NXPE2: variants seen among roughly 807,000 people sequenced by gnomAD.
NXPE2 encodes the protein NXPE family member 2.
NXPE2 carries 34 observed loss-of-function variants against 34.4 expected under a neutral mutation model. The ratio of observed to expected loss-of-function variants is 0.99; its 90% CI spans 0.75 to 1.31. NXPE2 has a LOEUF of 1.31. Among genes scored for constraint, NXPE2 ranks in the 40% most tolerant of loss-of-function variants. The pLI, the probability that NXPE2 is intolerant of heterozygous loss-of-function variation, is 0.00. For synonymous variants in NXPE2, 235 were observed against 231.3 expected, an observed-to-expected ratio of 1.02 and a Z score of -0.15; for missense variants, 649 against 672.5, an observed-to-expected ratio of 0.97 and a Z score of 0.39.
the NXPE2 span, among the ~76,000 whole-genome samples, chr11:114,577,009 TTATA>T: frequency 0.64 from 73,545 of 115,670 alleles, 22,782 homozygotes; most frequent in East Asian, 0.76. Context: ...ATATATAAAG[TTATA>T]TATATATATA....
the NXPE2 span, chr11:114,580,156 C>T: frequency 2.2e-5 from 36 of 1,613,908 alleles, no homozygotes; most frequent in Non-Finnish European, 3.1e-5. Flanking sequence ...TTGAAGTATT[C>T]CATCCACTGG....
chr11:114,643,889 T>G, the NXPE2 span, among the ~76,000 whole-genome samples: 1 of 152,142 alleles, frequency 6.6e-6, no homozygotes, highest in South Asian at 2.1e-4. Context: ...TTCTTCCTAT[T>G]CATGAGCATG....
the NXPE2 span, chr11:114,582,176 C>T: frequency 9.8e-6 from 11 of 1,125,352 alleles, no homozygotes; most frequent in South Asian, 1.7e-4. Flanking sequence ...TCCCCAAAGG[C>T]TCTTACTAAA....
chr11:114,672,494 T>C, the NXPE2 span, among the ~76,000 whole-genome samples: 1 of 151,988 alleles, frequency 6.6e-6, no homozygotes, highest in Non-Finnish European at 1.5e-5. Flanking sequence ...ATGTGAATAA[T>C]GGATTAAACA....
chr11:114,803,584 C>CTCTCTT, the NXPE2 span, among the ~76,000 whole-genome samples: 1,080 of 144,562 alleles, frequency 7.5e-3, 12 homozygotes, highest in Admixed American at 0.02. Context: ...CTCTCTCTCT[C>CTCTCTT]TTTTTTTTTT....
chr11:114,768,044 C>A, the NXPE2 span, among the ~76,000 whole-genome samples: 2 of 152,016 alleles, frequency 1.3e-5, no homozygotes, highest in East Asian at 3.9e-4. Context: ...AGCAAAGAAC[C>A]TGGAACATTT....
At chr11:114,640,221 TTA>T in the NXPE2 span, among the ~76,000 whole-genome samples, 4 of 139,344 alleles carry the variant, frequency 2.9e-5, no homozygotes, top group African/African-American at 7.9e-5. Flanking sequence ...AAAATGTAAT[TTA>T]TATATATAAA....
At chr11:114,605,862 G>C in the NXPE2 span, among the ~76,000 whole-genome samples, 1 of 151,490 alleles carries the variant, frequency 6.6e-6, no homozygotes, top group East Asian at 2.0e-4. Context: ...CTGTTACCTG[G>C]TGGATAATAA....
At chr11:114,601,895 AT>A in the NXPE2 span, among the ~76,000 whole-genome samples, 8 of 42,546 alleles carry the variant, frequency 1.9e-4, no homozygotes, top group Non-Finnish European at 3.4e-4. Context: ...TATATATTAT[AT>A]TTATATATAT....
At chr11:114,472,861 G>C in the NXPE2 span, among the ~76,000 whole-genome samples, 8 of 152,088 alleles carry the variant, frequency 5.3e-5, no homozygotes, top group Admixed American at 6.5e-5. Context: ...TATCATAACC[G>C]GCTTTCCTTG....
At chr11:114,811,674 G>C in the NXPE2 span, among the ~76,000 whole-genome samples, 4,276 of 152,276 alleles carry the variant, frequency 0.028, 207 homozygotes, top group African/African-American at 0.097. Context: ...CACACTCAAG[G>C]GTGCTGAGAG....
chr11:114,514,737 A>G, the NXPE2 span, among the ~76,000 whole-genome samples: 1 of 152,146 alleles, frequency 6.6e-6, no homozygotes, highest in Admixed American at 6.6e-5. Context: ...TTTACATAAA[A>G]TACTTCATCT....
At chr11:114,609,440 T>C in the NXPE2 span, among the ~76,000 whole-genome samples, 3 of 150,998 alleles carry the variant, frequency 2.0e-5, no homozygotes, top group East Asian at 5.9e-4. Flanking sequence ...GTTGCCTCTC[T>C]GGTAACCACT....
chr11:114,597,549 T>C, the NXPE2 span, among the ~76,000 whole-genome samples: 1 of 152,194 alleles, frequency 6.6e-6, no homozygotes, highest in African/African-American at 2.4e-5. Context: ...TGCACACAGA[T>C]GTATATTTTC....
At chr11:114,702,828 G>A (rs1052332328) in intron 3 of NXPE2, among the ~76,000 whole-genome samples, 5 of 152,070 alleles carry the variant, frequency 3.3e-5, no homozygotes, top group African/African-American at 1.2e-4. Flanking sequence ...TGGCCTTCTT[G>A]ATGAAGGGGA....
the NXPE2 span, chr11:114,583,886 T>C: frequency 9.5e-4 from 374 of 393,644 alleles, 3 homozygotes; most frequent in Admixed American, 8.6e-3. Flanking sequence ...TGGGGACTTA[T>C]GGGTTATTGG....
the NXPE2 span, among the ~76,000 whole-genome samples, chr11:114,812,827 G>GA: frequency 2.6e-5 from 4 of 151,994 alleles, no homozygotes; most frequent in South Asian, 4.2e-4. Flanking sequence ...GAGGAAGTGG[G>GA]AAAAAAATAG....
At chr11:114,704,310 C>T (rs1951432705) in intron 4 of NXPE2, among the ~76,000 whole-genome samples, 1 of 140,980 alleles carries the variant, frequency 7.1e-6, no homozygotes, top group African/African-American at 2.5e-5. Context: ...TCAAAATGTA[C>T]AGGCTATTTG....
At chr11:114,702,305 A>G (rs999750) in intron 3 of NXPE2, among the ~76,000 whole-genome samples, 51,723 of 151,620 alleles carry the variant, frequency 0.34, 8,821 homozygotes, top group East Asian at 0.42. Flanking sequence ...TAACATTAAT[A>G]CATGGTTTTA....
Sources: gnomAD v4.1 joint callset for allele counts (sites outside exome capture counted in the v4.1 genomes callset) on GRCh38, gnomAD v4.1.1 for gene constraint, MANE v1.5 for transcripts, NCBI Gene and HGNC (gene_info 2026-07-23, HGNC 2026-07-21) for gene names.